The following ABTB2 variants were observed in gnomAD, a reference collection of about 807,000 sequenced individuals.
The protein encoded by ABTB2 is ankyrin repeat and BTB/POZ domain-containing protein 2.
Under a neutral mutation model 104.1 loss-of-function variants are expected in ABTB2, and 56 were observed. The ratio of observed to expected loss-of-function variants is 0.54; its 90% confidence interval spans 0.43 to 0.67. The LOEUF (loss-of-function observed/expected upper bound fraction) is 0.67. Among genes scored for constraint, ABTB2 ranks in the 30% least tolerant of loss-of-function variants. The pLI is 0.00. For missense variants in ABTB2, 1,279 were observed against 1,407.7 expected (o/e 0.91, Z 1.46); for synonymous variants, 606 against 608.2 (o/e 1.00, Z 0.05).
chr11:34,159,062 C>A (rs1852671119), intron 14 of ABTB2, among the ~76,000 whole-genome samples: 1 of 152,220 alleles, frequency 6.6e-6, no homozygotes, highest in Non-Finnish European at 1.5e-5. Context: ...CTGCCCAGAC[C>A]ACCTGTCCAG....
chr11:34,253,495 G>A (rs1420804692), intron 1 of ABTB2, among the ~76,000 whole-genome samples: 1 of 152,078 alleles, frequency 6.6e-6, no homozygotes, highest in African/African-American at 2.4e-5. Context: ...GGCCAGCATA[G>A]TGAAACCTCA....
Position 34,195,082 on chromosome 11 carries a change from G to GT in ABTB2, c.1244+2242_1244+2243insA, listed in dbSNP as rs1554982340. ...CATGACAAAGATGCCCGGCGGGGGG[G>GT]GGGAGTGGGGGCGGGAGAAAGTGCC... is the stretch of plus-strand genomic sequence containing the variant. On this transcript the variant is annotated intron_variant, in intron 3 of 16. Transcript: ENST00000435224. 5.3e-4 allele frequency among the ~76,000 whole-genome samples: 50 copies of GT among 94,946 alleles called. 7 individuals are homozygous for GT. The highest frequency in any genetic ancestry group is 1.1e-3 in the Non-Finnish European group (45 of 39,220). 62.3% of individuals were successfully genotyped at this position (94,946 alleles called of 152,430 possible). A position where few individuals can be genotyped will look rare whatever the true frequency, so the allele number is the denominator to read the frequency against.
At chr11:34,276,666 G>C (rs1444680614) in intron 1 of ABTB2, among the ~76,000 whole-genome samples, 1 of 152,186 alleles carries the variant, frequency 6.6e-6, no homozygotes, top group Admixed American at 6.5e-5. Flanking sequence ...TCAAATGCCA[G>C]GACGTCAAAT....
chr11:34,305,688 C>A (rs1854763629), intron 1 of ABTB2, among the ~76,000 whole-genome samples: 2 of 152,146 alleles, frequency 1.3e-5, no homozygotes, highest in Admixed American at 1.3e-4. Flanking sequence ...ACTTTTTCCT[C>A]CCTCTAAACC....
intron 3 of ABTB2, 81 bp from the exon 4 acceptor site, chr11:34,173,388 G>C: frequency 6.9e-7 from 1 of 1,453,048 alleles, no homozygotes. Context: ...CTGGGAGGGT[G>C]CTTCTTGTGG....
chr11:34,354,077 G>A (rs1855432439), intron 1 of ABTB2, among the ~76,000 whole-genome samples: 1 of 152,148 alleles, frequency 6.6e-6, no homozygotes, highest in Non-Finnish European at 1.5e-5. Flanking sequence ...AATCAGCCTG[G>A]TTATTGTTTA....
chr11:34,262,685 G>A (rs566266305), intron 1 of ABTB2, among the ~76,000 whole-genome samples: 1 of 152,242 alleles, frequency 6.6e-6, no homozygotes, highest in South Asian at 2.1e-4. Flanking sequence ...TTTGTTTAGA[G>A]CATTGTCCTA....
At chr11:34,345,549 C>T (rs1855320879) in intron 1 of ABTB2, among the ~76,000 whole-genome samples, 1 of 152,068 alleles carries the variant, frequency 6.6e-6, no homozygotes, top group South Asian at 2.1e-4. Context: ...CCGCCATCAT[C>T]ATTTGTCTCC....
chr11:34,247,894 G>C (rs1047958700), intron 1 of ABTB2, among the ~76,000 whole-genome samples: 3 of 152,112 alleles, frequency 2.0e-5, no homozygotes, highest in African/African-American at 4.8e-5. Context: ...AGGCATAAAG[G>C]AGAAAGACAC....
chr11:34,265,086 A>C (rs2133076817), intron 1 of ABTB2, among the ~76,000 whole-genome samples: 1 of 152,310 alleles, frequency 6.6e-6, no homozygotes, highest in East Asian at 1.9e-4. Context: ...AAAGCAAAGG[A>C]AAGGGCAATC....
At chr11:34,316,626 T>C (rs1285181220) in intron 1 of ABTB2, among the ~76,000 whole-genome samples, 9 of 152,206 alleles carry the variant, frequency 5.9e-5, no homozygotes, top group Admixed American at 5.9e-4. Context: ...GCCAAGTTGC[T>C]GTTGCCACTG....
At chr11:34,161,242 C>T (rs1162383664) in intron 10 of ABTB2, among the ~76,000 whole-genome samples, 161 bp from the exon 11 acceptor site, 1 of 143,072 alleles carries the variant, frequency 7.0e-6, no homozygotes, top group Non-Finnish European at 1.5e-5. Flanking sequence ...CATGGAGTGG[C>T]CCTCTCAGGA....
chr11:34,294,503 G>A (rs1854597839), intron 1 of ABTB2, among the ~76,000 whole-genome samples: 1 of 152,166 alleles, frequency 6.6e-6, no homozygotes, highest in Non-Finnish European at 1.5e-5. Context: ...TACGGCCAAT[G>A]CTTCCCAGGA....
chr11:34,154,659 G>T lies in ABTB2; in HGVS notation c.2766+42C>A. On this transcript the variant is annotated intron_variant, in intron 15 of 16. Coordinates refer to ENST00000435224, the MANE Select transcript of ABTB2 (RefSeq NM_145804.3). The surrounding 1 kb of genome is among the most constrained non-coding windows in gnomAD (Gnocchi z 4.9). ...GGGTGAATGGGAGACCGAGCCGCTGGGCACCCTAGCCCAGGCCCCCTCCCC... is the reference window on the plus strand; with the variant it reads ...GGGTGAATGGGAGACCGAGCCGCTGTGCACCCTAGCCCAGGCCCCCTCCCC... The T allele has an allele frequency of 6.2e-7, 1 of 1,603,228 alleles. No individual in the cohort carries two copies. The highest frequency in any genetic ancestry group is 8.5e-7 in the Non-Finnish European group (1 of 1,171,054).
chr11:34,320,792 C>T lies in ABTB2; in HGVS notation c.883+35909G>A, dbSNP rs115628841. On this transcript the variant is annotated intron_variant, in intron 1 of 16. Transcript: ENST00000435224. ...CCTTACTTCTGGTTAGCAAGCAGCA[C>T]ATTCAAGCTTGCCAATCTTCCCCAA... Among the ~76,000 whole-genome samples, 906 of 152,362 alleles carry T rather than the reference C, an allele frequency of 5.9e-3. 10 individuals are homozygous for T. Among genetic ancestry groups the T allele is most frequent in the African/African-American group, 0.021 (861 of 41,582 alleles).
At chr11:34,344,787 T>C in intron 1 of ABTB2, among the ~76,000 whole-genome samples, 1 of 152,194 alleles carries the variant, frequency 6.6e-6, no homozygotes, top group East Asian at 1.9e-4. Context: ...TGTGAGTCAC[T>C]GTGCCCGGCC....
At chr11:34,193,476 C>A (rs542380834) in intron 3 of ABTB2, among the ~76,000 whole-genome samples, 2 of 152,226 alleles carry the variant, frequency 1.3e-5, no homozygotes, top group Non-Finnish European at 2.9e-5. Context: ...GCTGGGAAAG[C>A]CACAGCCTGG....
intron 1 of ABTB2, among the ~76,000 whole-genome samples, chr11:34,274,579 A>G (rs12364033): frequency 9.6e-5 from 14 of 145,764 alleles, no homozygotes; most frequent in South Asian, 2.2e-4. Context: ...ACACACACAC[A>G]CGCGTGTGTG....
intron 1 of ABTB2, among the ~76,000 whole-genome samples, chr11:34,234,850 TTTTA>T (rs1167581340): frequency 1.4e-4 from 21 of 152,210 alleles, no homozygotes; most frequent in African/African-American, 4.8e-4. Flanking sequence ...ATTGTGTTTA[TTTTA>T]TTTATTTATT....
Sources: allele counts gnomAD v4.1 joint callset (sites outside exome capture counted in the v4.1 genomes callset), GRCh38; gene constraint gnomAD v4.1.1; non-coding constraint Gnocchi (gnomAD v3.1); transcripts MANE v1.5; gene names NCBI Gene and HGNC (gene_info 2026-07-23, HGNC 2026-07-21).